Variants in STK32B observed in about 807,000 individuals in gnomAD.
STK32B encodes serine/threonine-protein kinase 32B.
A neutral mutation model predicts 52.6 loss-of-function variants in STK32B; 43 were observed. The ratio of observed to expected loss-of-function variants is 0.82; its 90% CI spans 0.64 to 1.05. The LOEUF is 1.05. Among genes scored for constraint, STK32B ranks in the 50% least tolerant of loss-of-function variants. The pLI is 0.00. For missense variants in STK32B, 621 were observed against 534.6 expected, an observed-to-expected ratio of 1.16 and a Z score of -1.59; for synonymous variants, 238 against 204.3, an observed-to-expected ratio of 1.17 and a Z score of -1.41.
At chr4:5,384,097 G>A (rs931287700) in intron 4 of STK32B, among the ~76,000 whole-genome samples, 3 of 152,232 alleles carry the variant, frequency 2.0e-5, no homozygotes, top group Non-Finnish European at 4.4e-5. Context: ...GGGGGACAAT[G>A]CTTGGCTCAG....
At chr4:5,099,454 G>GCGCGTGCGCA (rs1553823530) in intron 1 of STK32B, among the ~76,000 whole-genome samples, 55 of 129,850 alleles carry the variant, frequency 4.2e-4, no homozygotes, top group African/African-American at 1.3e-3. Flanking sequence ...GTGTGTGCGC[G>GCGCGTGCGCA]CGCGCGTATG....
Position 5,470,944 on chromosome 4 carries a change from G to A in STK32B, c.1106+2874G>A, listed in dbSNP as rs1184462413. On this transcript the variant is annotated intron_variant, in intron 11 of 11. Transcript: ENST00000282908. The surrounding 1 kb of genome is among the most constrained non-coding windows in gnomAD (Gnocchi z 4.6). ...AGCCAAGCATCAAGCCAGGCTTGTC[G>A]TCATGCTCCGCCTGGACCACGTCCC... 3.9e-5 allele frequency among the ~76,000 whole-genome samples: 6 copies of A among 152,214 alleles called. No homozygotes were observed. The highest frequency in any genetic ancestry group is 3.9e-4 in the East Asian group (2 of 5,188).
intron 11 of STK32B, among the ~76,000 whole-genome samples, chr4:5,494,856 A>T (rs1270132687): frequency 3.3e-5 from 5 of 152,194 alleles, no homozygotes; most frequent in Non-Finnish European, 7.3e-5. Context: ...GCGGGATATG[A>T]AATTCTGGGT....
intron 6 of STK32B, among the ~76,000 whole-genome samples, chr4:5,439,769 T>A (rs1166408091): frequency 6.6e-6 from 1 of 152,272 alleles, no homozygotes; most frequent in South Asian, 2.1e-4. Flanking sequence ...CCATCTTGAA[T>A]TGATTTTTGT....
chr4:5,150,655 G>A (rs115061794), intron 2 of STK32B, among the ~76,000 whole-genome samples: 1,957 of 152,004 alleles, frequency 0.013, 51 homozygotes, highest in African/African-American at 0.045. Flanking sequence ...TTGGTCAGAG[G>A]TTATTTACCA....
Position 5,152,425 on chromosome 4 carries a change from G to C in STK32B, c.108+12465G>C, listed in dbSNP as rs1406342851. 2.6e-5 allele frequency among the ~76,000 whole-genome samples: 4 copies of C among 152,308 alleles called. No individual in the cohort carries two copies. In the South Asian group the frequency reaches 8.3e-4, roughly 32 times the overall value. Reference sequence around the variant, plus strand: ...TCTCACTTGGATTCCTCCAGAAGTTGATTTTGAGAGAAAGAATTTAGTGCA... The same window carrying C: ...TCTCACTTGGATTCCTCCAGAAGTTCATTTTGAGAGAAAGAATTTAGTGCA... On this transcript the variant is annotated intron_variant, in intron 2 of 11. Coordinates refer to ENST00000282908, the MANE Select transcript of STK32B (RefSeq NM_018401.3).
intron 3 of STK32B, among the ~76,000 whole-genome samples, chr4:5,209,096 A>G (rs190603700): frequency 3.9e-5 from 6 of 152,232 alleles, no homozygotes; most frequent in African/African-American, 7.2e-5. Context: ...CCCCCTCAGC[A>G]CTTCTGCACA....
chr4:5,388,404 AT>A (rs1234098221), intron 4 of STK32B, among the ~76,000 whole-genome samples: 1 of 151,952 alleles, frequency 6.6e-6, no homozygotes. Context: ...TTTTATTCCC[AT>A]TTTACAGATG....
At chr4:5,242,951 A>G (rs1011261278) in intron 3 of STK32B, among the ~76,000 whole-genome samples, 2 of 152,162 alleles carry the variant, frequency 1.3e-5, no homozygotes, top group Non-Finnish European at 2.9e-5. Flanking sequence ...CTGTTTTGGT[A>G]CCAGTTGCAT....
intron 4 of STK32B, among the ~76,000 whole-genome samples, chr4:5,331,755 T>C (rs981758077): frequency 6.6e-6 from 1 of 152,126 alleles, no homozygotes; most frequent in Non-Finnish European, 1.5e-5. Flanking sequence ...TCTACTCTCT[T>C]TTTTTCTGTA....
chr4:5,347,435 TGTG>T (rs1198061786), intron 4 of STK32B, among the ~76,000 whole-genome samples: 1 of 152,216 alleles, frequency 6.6e-6, no homozygotes, highest in Non-Finnish European at 1.5e-5. Context: ...AAAGGGAAAT[TGTG>T]GTGCAGATTG....
At chr4:5,341,345 C>G (rs890183535) in intron 4 of STK32B, among the ~76,000 whole-genome samples, 1 of 152,186 alleles carries the variant, frequency 6.6e-6, no homozygotes, top group African/African-American at 2.4e-5. Context: ...TCCCCAGATG[C>G]AAAAGCAAAA....
rs563209972 is a variant in STK32B at position 5,313,650 on chromosome 4, T to C, written c.261-17570T>C. ...AAATATCCTGGAACTAAGAAGTACATATGTGTATGTGCGTGTGTGTGCAGT... is the reference window on the plus strand; with the variant it reads ...AAATATCCTGGAACTAAGAAGTACACATGTGTATGTGCGTGTGTGTGCAGT... On this transcript the variant is annotated intron_variant, in intron 3 of 11. Coordinates refer to ENST00000282908, the MANE Select transcript of STK32B (RefSeq NM_018401.3). Among the ~76,000 whole-genome samples, 172 of 152,216 alleles carry C rather than the reference T, an allele frequency of 1.1e-3. 1 individual carries two copies. The highest frequency in any genetic ancestry group is 3.8e-3 in the African/African-American group (156 of 41,518).
At chr4:5,389,910 A>G (rs1736493598) in intron 4 of STK32B, among the ~76,000 whole-genome samples, 1 of 152,208 alleles carries the variant, frequency 6.6e-6, no homozygotes, top group Non-Finnish European at 1.5e-5. Context: ...GTAGGGTCGG[A>G]GAAGCAGTAG....
chr4:5,048,608 T>A (rs984433926), upstream of STK32B, among the ~76,000 whole-genome samples: 1 of 152,208 alleles, frequency 6.6e-6, no homozygotes, highest in Non-Finnish European at 1.5e-5. Context: ...AATTTTTGTA[T>A]TTTTAGTAGA....
chr4:5,143,643 C>T (rs139617268), intron 2 of STK32B, among the ~76,000 whole-genome samples: 10 of 152,252 alleles, frequency 6.6e-5, no homozygotes, highest in East Asian at 1.9e-4. Flanking sequence ...CCCTTCCTCT[C>T]GCCTCCACTG....
chr4:5,369,488 C>T (rs577967455), intron 4 of STK32B, among the ~76,000 whole-genome samples: 1 of 152,152 alleles, frequency 6.6e-6, no homozygotes, highest in Non-Finnish European at 1.5e-5. Context: ...ACCATGCAGC[C>T]AGGGGACAGA....
At chr4:5,360,274 C>T (rs1734460382) in intron 4 of STK32B, among the ~76,000 whole-genome samples, 1 of 152,174 alleles carries the variant, frequency 6.6e-6, no homozygotes, top group Non-Finnish European at 1.5e-5. Flanking sequence ...TAGGGCACAA[C>T]CATGCCAACC....
chr4:5,445,121 A>T (rs745446362), intron 6 of STK32B, among the ~76,000 whole-genome samples: 1 of 152,156 alleles, frequency 6.6e-6, no homozygotes, highest in Non-Finnish European at 1.5e-5. Context: ...CCTGTAAAAC[A>T]TGTCCCCGGA....
Sources: gnomAD v4.1 joint callset for allele counts (sites outside exome capture counted in the v4.1 genomes callset) on GRCh38, gnomAD v4.1.1 for gene constraint, Gnocchi (gnomAD v3.1) non-coding constraint, MANE v1.5 for transcripts, NCBI Gene and HGNC (gene_info 2026-07-23, HGNC 2026-07-21) for gene names.